EYA1: variants seen among roughly 807,000 people sequenced by gnomAD.
The protein encoded by EYA1 is EYA transcriptional coactivator and phosphatase 1.
A neutral mutation model predicts 82.0 loss-of-function variants in EYA1; 16 were observed. The observed-to-expected ratio is 0.20, with a 90% confidence interval of 0.13 to 0.30. The LOEUF (loss-of-function observed/expected upper bound fraction) is 0.30, where lower values mean the gene tolerates loss of function less well. Among genes scored for constraint, EYA1 ranks in the 10% least tolerant of loss-of-function variants. The pLI is 1.00. For synonymous variants in EYA1, 261 were observed against 264.4 expected (o/e 0.99, Z 0.12); for missense variants, 633 against 730.7 (o/e 0.87, Z 1.54).
At chr8:71,454,153 A>G (rs1456756579) in intron 2 of EYA1, among the ~76,000 whole-genome samples, 1 of 152,214 alleles carries the variant, frequency 6.6e-6, no homozygotes, top group East Asian at 1.9e-4. Context: ...TTAAACCAAC[A>G]AAGATCAAAA....
At chr8:71,386,993 C>T (rs75865334) in intron 2 of EYA1, among the ~76,000 whole-genome samples, 112 of 152,296 alleles carry the variant, frequency 7.4e-4, no homozygotes, top group African/African-American at 2.6e-3. Context: ...TGTCAATAAA[C>T]ATTTTCTGGT....
intron 2 of EYA1, among the ~76,000 whole-genome samples, chr8:71,534,743 G>A (rs1814568991): frequency 1.3e-5 from 2 of 152,006 alleles, no homozygotes; most frequent in South Asian, 2.1e-4. Context: ...CATGCACCAG[G>A]GCCTGTTGCA....
intron 12 of EYA1, among the ~76,000 whole-genome samples, chr8:71,224,188 T>C (rs188624555): frequency 3.2e-4 from 49 of 152,220 alleles, no homozygotes; most frequent in African/African-American, 1.1e-3. Flanking sequence ...AAAGTTACAA[T>C]GTGTCTTTGG....
At chr8:71,490,316 AACTG>A (rs1810898041) in intron 2 of EYA1, among the ~76,000 whole-genome samples, 1 of 152,186 alleles carries the variant, frequency 6.6e-6, no homozygotes, top group Non-Finnish European at 1.5e-5. Context: ...CCACCATTAA[AACTG>A]ACTGACAAGG....
intron 2 of EYA1, among the ~76,000 whole-genome samples, chr8:71,455,937 T>C (rs981183835): frequency 3.3e-4 from 50 of 152,062 alleles, no homozygotes; most frequent in African/African-American, 1.1e-3. Context: ...AAATGAAGGG[T>C]ATTCAATTAG....
At chr8:71,471,760 G>A (rs1295537226) in intron 2 of EYA1, among the ~76,000 whole-genome samples, 2 of 152,072 alleles carry the variant, frequency 1.3e-5, no homozygotes, top group Non-Finnish European at 2.9e-5. Flanking sequence ...AGGGAAGGAT[G>A]GGAGAAGAGG....
At chr8:71,288,863 AATG>A (rs989473326) in intron 9 of EYA1, among the ~76,000 whole-genome samples, 3 of 152,210 alleles carry the variant, frequency 2.0e-5, no homozygotes, top group Non-Finnish European at 4.4e-5. Context: ...TATCTTAAAT[AATG>A]ATAATGAAGA....
At chr8:71,537,905 T>C (rs1403186623) in intron 1 of EYA1, among the ~76,000 whole-genome samples, 4 of 152,242 alleles carry the variant, frequency 2.6e-5, no homozygotes, top group African/African-American at 9.6e-5. Context: ...CTAAATTTCA[T>C]GTTTGTTATT....
At position 71,356,466 on chromosome 8, in the gene EYA1, A is replaced by C. The variant is rs774651440; in HGVS notation, c.-9T>G. 1 of 1,584,500 alleles carries C rather than the reference A, an allele frequency of 6.3e-7. No individual in the cohort carries two copies. Among genetic ancestry groups the C allele is most frequent in the South Asian group, 1.2e-5 (1 of 86,186 alleles). On this transcript the variant is annotated 5_prime_UTR_variant, in exon 2 of 18. Transcript: ENST00000340726. ...AAATATCAACAATATCCTTACCTGC[A>C]ACTTGAGGAAACAGCAACATCTGAA...
intron 11 of EYA1, among the ~76,000 whole-genome samples, chr8:71,251,281 G>T (rs1275833449): frequency 6.6e-6 from 1 of 152,130 alleles, no homozygotes; most frequent in Non-Finnish European, 1.5e-5. Context: ...AAAAAATACA[G>T]TCAACTGTTT....
intron 12 of EYA1, among the ~76,000 whole-genome samples, chr8:71,222,759 C>T (rs1263826831): frequency 1.3e-5 from 2 of 152,212 alleles, no homozygotes; most frequent in East Asian, 1.9e-4. Flanking sequence ...GAGATAAATG[C>T]TGCGATGCTG....
chr8:71,485,820 A>G (rs1810523424), intron 2 of EYA1, among the ~76,000 whole-genome samples: 1 of 152,204 alleles, frequency 6.6e-6, no homozygotes, highest in Non-Finnish European at 1.5e-5. Flanking sequence ...TTTTTCACTG[A>G]GGTCCAAGTC....
upstream of EYA1, chr8:71,362,300 ATGT>A: frequency 6.0e-6 from 4 of 665,300 alleles, no homozygotes; most frequent in Non-Finnish European, 7.4e-6. Flanking sequence ...AAAAAAAATT[ATGT>A]AAATGAACGC....
chr8:71,540,687 T>C (rs1168415619), intron 1 of EYA1, among the ~76,000 whole-genome samples: 1 of 152,216 alleles, frequency 6.6e-6, no homozygotes, highest in Non-Finnish European at 1.5e-5. Context: ...TTGGATGCCA[T>C]ATTTTTCATC....
chr8:71,356,739 C>A (rs1390607688), intron 1 of EYA1: 34 of 1,217,874 alleles, frequency 2.8e-5, no homozygotes, highest in Non-Finnish European at 3.4e-5. Flanking sequence ...GGGAAGGCAG[C>A]CAAATGACGT....
chr8:71,309,259 C>T (rs1821068567), intron 7 of EYA1, among the ~76,000 whole-genome samples: 2 of 152,008 alleles, frequency 1.3e-5, no homozygotes, highest in Admixed American at 1.3e-4. Flanking sequence ...CTAATTATTG[C>T]TGTGCCTAGA....
At chr8:71,523,378 C>T (rs1174812465) in intron 2 of EYA1, among the ~76,000 whole-genome samples, 1 of 151,972 alleles carries the variant, frequency 6.6e-6, no homozygotes, top group Non-Finnish European at 1.5e-5. Flanking sequence ...CGGGGTTTCA[C>T]TGTGTTAGCC....
At chr8:71,400,396 G>C (rs1829889053) in intron 2 of EYA1, among the ~76,000 whole-genome samples, 1 of 152,050 alleles carries the variant, frequency 6.6e-6, no homozygotes, top group Admixed American at 6.6e-5. Flanking sequence ...CAATCTACCA[G>C]TCTGACAAAG....
intron 2 of EYA1, among the ~76,000 whole-genome samples, chr8:71,438,968 A>G (rs1253718459): frequency 1.3e-5 from 2 of 152,116 alleles, no homozygotes; most frequent in African/African-American, 4.8e-5. Flanking sequence ...GCAGCAAGTG[A>G]AACTCAAGTA....
Sources: allele counts gnomAD v4.1 joint callset (sites outside exome capture counted in the v4.1 genomes callset), GRCh38; gene constraint gnomAD v4.1.1; transcripts MANE v1.5; gene names NCBI Gene and HGNC (gene_info 2026-07-23, HGNC 2026-07-21).